PAX7: variants seen among roughly 807,000 people sequenced by gnomAD.
PAX7 encodes the protein paired box protein Pax-7.
Under a neutral mutation model 50.7 loss-of-function variants are expected in PAX7, and 18 were observed. The observed-to-expected ratio is 0.36, with a 90% CI of 0.25 to 0.53. PAX7 has a LOEUF of 0.53. Among genes scored for constraint, PAX7 ranks in the 20% least tolerant of loss-of-function variants. PAX7 has a pLI of 0.93. For missense variants in PAX7, 644 were observed against 702.9 expected, an observed-to-expected ratio of 0.92 and a Z score of 0.95; for synonymous variants, 310 against 290.4, an observed-to-expected ratio of 1.07 and a Z score of -0.69.
intron 7 of PAX7, among the ~76,000 whole-genome samples, chr1:18,716,852 C>A (rs1472786181): frequency 9.9e-6 from 1 of 100,638 alleles, no homozygotes; most frequent in Non-Finnish European, 1.7e-5. Flanking sequence ...GCCCCCCTTG[C>A]CCTTGCCCTC....
chr1:18,745,173 T>C lies in PAX7; in HGVS notation c.*244T>C, dbSNP rs767118336. On this transcript the variant is annotated 3_prime_UTR_variant, in exon 9 of 9. Transcript: ENST00000420770. ...CCCCAAGGAGGGTTTCTGGTCAGCC[T>C]GAGGTCCTCCCCTGTCAAATCCCAT... The C allele has an allele frequency of 3.7e-5, 20 of 540,858 alleles. No homozygotes were observed. The highest frequency in any genetic ancestry group is 6.3e-5 in the Non-Finnish European group (19 of 302,074). The allele number at this position is 540,858 out of a possible 1,614,324, so 33.5% of individuals were successfully genotyped here.
At chr1:18,701,685 A>G (rs1156733136) in intron 6 of PAX7, among the ~76,000 whole-genome samples, 2 of 152,172 alleles carry the variant, frequency 1.3e-5, no homozygotes, top group Non-Finnish European at 2.9e-5. Flanking sequence ...CCTATGAGGG[A>G]TTCCCCCCAC....
chr1:18,673,994 C>A (rs911604437), intron 4 of PAX7, among the ~76,000 whole-genome samples: 2 of 152,228 alleles, frequency 1.3e-5, no homozygotes, highest in African/African-American at 4.8e-5. Flanking sequence ...ATAAATACAT[C>A]TCTAATGAAA....
chr1:18,737,370 A>G (rs1194275088), intron 8 of PAX7, among the ~76,000 whole-genome samples: 7 of 139,524 alleles, frequency 5.0e-5, no homozygotes, highest in Admixed American at 5.0e-4. Flanking sequence ...GTTGGCCTCC[A>G]CTGCCAAATG....
chr1:18,646,527 C>T (rs1337525562), intron 4 of PAX7, among the ~76,000 whole-genome samples: 1 of 152,164 alleles, frequency 6.6e-6, no homozygotes, highest in Non-Finnish European at 1.5e-5. Flanking sequence ...GGTTTGGAAA[C>T]TGGTCAGCGG....
intron 4 of PAX7, among the ~76,000 whole-genome samples, chr1:18,640,711 C>T (rs1025931827): frequency 6.6e-6 from 1 of 152,074 alleles, no homozygotes; most frequent in African/African-American, 2.4e-5. Context: ...GGATCAGCTT[C>T]GCATAATGGG....
intron 7 of PAX7, among the ~76,000 whole-genome samples, chr1:18,716,171 A>G (rs924748577): frequency 1.3e-5 from 2 of 152,064 alleles, no homozygotes; most frequent in African/African-American, 4.8e-5. Context: ...AGGGCAGGGG[A>G]GGCTCCTCCC....
At chr1:18,650,112 T>A (rs2088408713) in intron 4 of PAX7, among the ~76,000 whole-genome samples, 1 of 152,128 alleles carries the variant, frequency 6.6e-6, no homozygotes, top group African/African-American at 2.4e-5. Context: ...AAGGACCACT[T>A]CCCATCCAAG....
intron 4 of PAX7, among the ~76,000 whole-genome samples, chr1:18,643,820 T>A (rs2088296738): frequency 6.6e-6 from 1 of 152,050 alleles, no homozygotes; most frequent in Non-Finnish European, 1.5e-5. Context: ...GCGAGCGAGC[T>A]GGGCCGGCAG....
chr1:18,711,044 C>G (rs571793313), intron 7 of PAX7, among the ~76,000 whole-genome samples: 110 of 152,342 alleles, frequency 7.2e-4, no homozygotes, highest in Non-Finnish European at 1.3e-3. Context: ...CGCTTCCTCC[C>G]TTTGCCTTCT....
At chr1:18,716,144 CCAGGGGAGTTCTGCTAAGGG>C (rs1397770306) in intron 7 of PAX7, among the ~76,000 whole-genome samples, 4 of 152,234 alleles carry the variant, frequency 2.6e-5, no homozygotes, top group Non-Finnish European at 4.4e-5. Flanking sequence ...TCCTTGGCCA[CCAGGGGAGTTCTGCTAAGGG>C]CAGGGGAGGC....
intron 7 of PAX7, among the ~76,000 whole-genome samples, chr1:18,724,180 G>T (rs879806035): frequency 2.6e-5 from 4 of 152,198 alleles, no homozygotes; most frequent in East Asian, 1.9e-4. Context: ...ATTGAATTTG[G>T]TCCGGGAGAG....
chr1:18,721,594 C>T (rs968896762), intron 7 of PAX7, among the ~76,000 whole-genome samples: 1 of 152,240 alleles, frequency 6.6e-6, no homozygotes, highest in Non-Finnish European at 1.5e-5. Context: ...GAGGCTGTGC[C>T]AGCAGAAAGC....
intron 4 of PAX7, among the ~76,000 whole-genome samples, chr1:18,654,958 G>A (rs895439333): frequency 2.3e-4 from 35 of 152,180 alleles, no homozygotes; most frequent in East Asian, 7.7e-4. Context: ...GGGAGGAGCC[G>A]ATCAAAGGAA....
chr1:18,677,549 C>T (rs962648474), intron 4 of PAX7, among the ~76,000 whole-genome samples: 1 of 152,090 alleles, frequency 6.6e-6, no homozygotes, highest in African/African-American at 2.4e-5. Context: ...GTTAGGTGCA[C>T]AGAATGTTAG....
chr1:18,680,063 A>C (rs566222318), intron 4 of PAX7, among the ~76,000 whole-genome samples: 1 of 152,288 alleles, frequency 6.6e-6, no homozygotes, highest in South Asian at 2.1e-4. Flanking sequence ...GGTTGGTACT[A>C]TTCTTGTCCT....
intron 8 of PAX7, among the ~76,000 whole-genome samples, chr1:18,742,158 T>C (rs1056307821): frequency 2.9e-5 from 4 of 139,706 alleles, no homozygotes; most frequent in Non-Finnish European, 1.6e-5. Context: ...CTTTTTTTTT[T>C]TTTTTTTTTT....
At chr1:18,707,405 TTTTTTCTTTC>T (rs905790211) in intron 7 of PAX7, among the ~76,000 whole-genome samples, 21 of 103,006 alleles carry the variant, frequency 2.0e-4, no homozygotes, top group East Asian at 3.8e-4. Context: ...TTCCTTTTCT[TTTTTTCTTTC>T]TTTTTTTTTT....
At chr1:18,671,105 G>A (rs960284906) in intron 4 of PAX7, among the ~76,000 whole-genome samples, 2 of 152,170 alleles carry the variant, frequency 1.3e-5, no homozygotes, top group Admixed American at 6.5e-5. Flanking sequence ...AGCTCAGTGG[G>A]CCTGCCAGCC....
Sources: allele counts gnomAD v4.1 joint callset (sites outside exome capture counted in the v4.1 genomes callset), GRCh38; gene constraint gnomAD v4.1.1; transcripts MANE v1.5; gene names NCBI Gene and HGNC (gene_info 2026-07-23, HGNC 2026-07-21).